BORA: variants seen among roughly 807,000 people sequenced by gnomAD.
The protein encoded by BORA is BORA aurora kinase A activator, also known as protein aurora borealis.
Under a neutral mutation model 55.8 loss-of-function variants are expected in BORA, and 26 were observed. That is an observed-to-expected ratio of 0.47 (90% confidence interval 0.34 to 0.65). BORA has a LOEUF of 0.65. Among genes scored for constraint, BORA ranks in the 30% least tolerant of loss-of-function variants. The pLI is 0.01. For synonymous variants in BORA, 201 were observed against 216.9 expected, an observed-to-expected ratio of 0.93 and a Z score of 0.64; for missense variants, 568 against 671.5, an observed-to-expected ratio of 0.85 and a Z score of 1.70.
intron 11 of BORA, 181 bp downstream of exon 11, chr13:72,754,002 C>T: frequency 3.4e-6 from 2 of 589,966 alleles, no homozygotes; most frequent in East Asian, 3.1e-5. Flanking sequence ...ACACAAGTAT[C>T]TTACATACTA....
intron 3 of BORA, among the ~76,000 whole-genome samples, chr13:72,732,882 T>C (rs780933158): frequency 6.6e-6 from 1 of 152,158 alleles, no homozygotes; most frequent in Non-Finnish European, 1.5e-5. Context: ...TATTGAGTAC[T>C]GTGAGGGACT....
intron 5 of BORA, among the ~76,000 whole-genome samples, chr13:72,741,669 C>T (rs2033036198): frequency 6.6e-6 from 1 of 151,898 alleles, no homozygotes; most frequent in Admixed American, 6.6e-5. Flanking sequence ...CTTGTCTAAG[C>T]CCTTCTAGGG....
At chr13:72,744,336 T>G (rs1209196126) in intron 6 of BORA, among the ~76,000 whole-genome samples, 169 bp from the exon 7 acceptor site, 1 of 152,220 alleles carries the variant, frequency 6.6e-6, no homozygotes, top group Non-Finnish European at 1.5e-5. Context: ...GGGAAACCAC[T>G]TCTAGAAAGG....
chr13:72,753,855 TTTAGA>T (rs753301421), intron 11 of BORA, 34 bp downstream of exon 11: 24 of 1,558,688 alleles, frequency 1.5e-5, no homozygotes, highest in Non-Finnish European at 1.9e-5. Flanking sequence ...CTTAATATTG[TTTAGA>T]TTAGAAATAT....
intron 4 of BORA, among the ~76,000 whole-genome samples, chr13:72,736,734 A>G (rs1454779245): frequency 6.6e-6 from 1 of 152,140 alleles, no homozygotes; most frequent in African/African-American, 2.4e-5. Flanking sequence ...GGTAGATTTT[A>G]CCATATTGCC....
chr13:72,728,157 GC>G, intron 1 of BORA, 150 bp downstream of exon 1: 1 of 1,104,422 alleles, frequency 9.1e-7, no homozygotes, highest in Non-Finnish European at 1.3e-6. Context: ...AGAAAGAGTG[GC>G]CACGTAGGGT....
chr13:72,739,804 A>C (rs2033000586), intron 5 of BORA, among the ~76,000 whole-genome samples: 1 of 152,198 alleles, frequency 6.6e-6, no homozygotes, highest in Non-Finnish European at 1.5e-5. Flanking sequence ...TACAAGTCCT[A>C]GGGGTACACA....
In BORA at chr13:72,728,270, C is replaced by G. The variant is rs1294962402; in HGVS notation, c.-16+263C>G. Reference sequence around the variant, plus strand: ...ACCCCACCCCGCCAAGGTGTAGCCTCTGTAGCCTCCTTTGATTGCAAGTAA... The same window carrying G: ...ACCCCACCCCGCCAAGGTGTAGCCTGTGTAGCCTCCTTTGATTGCAAGTAA... On this transcript the variant is annotated intron_variant, in intron 1 of 11. Coordinates refer to ENST00000390667, the MANE Select transcript of BORA (RefSeq NM_024808.5). The G allele has an allele frequency of 3.2e-5, 22 of 683,350 alleles. No homozygotes were observed. In the South Asian group the frequency reaches 3.4e-4, roughly 10 times the overall value. 42.3% of individuals were successfully genotyped at this position (683,350 alleles called of 1,614,324 possible).
chr13:72,754,826 C>CA (rs1216842365), intron 11 of BORA: 9 of 213,638 alleles, frequency 4.2e-5, no homozygotes, highest in Non-Finnish European at 7.5e-5. Flanking sequence ...AGCAGTCTTA[C>CA]CACCTCAGCC....
At chr13:72,751,522 T>A (rs1201648565) in intron 10 of BORA, among the ~76,000 whole-genome samples, 5 of 152,108 alleles carry the variant, frequency 3.3e-5, no homozygotes, top group Non-Finnish European at 7.4e-5. Flanking sequence ...ATGTACTCCC[T>A]CATGTGGAAG....
rs1200123878 is a variant in BORA at position 72,746,026 on chromosome 13, C to T, written c.821C>T (p.Ser274Leu). 1.2e-6 allele frequency: 2 copies of T among 1,612,554 alleles called. No homozygotes were observed. Among genetic ancestry groups the T allele is most frequent in the Non-Finnish European group, 1.7e-6 (2 of 1,178,690 alleles). ...GSITSPSPIS[S>L]PTFSPIEFQI... is the part of the protein sequence containing the mutation. Reference sequence around the variant, plus strand: ...ATAACTAGTCCTTCGCCTATTTCTTCACCCACTTTCTCACCAATTGAATTT... The same window carrying T: ...ATAACTAGTCCTTCGCCTATTTCTTTACCCACTTTCTCACCAATTGAATTT... Residue 274 changes from serine (S) to leucine (L), a missense_variant, in exon 9 of 12, where the codon TCA becomes TTA. Coordinates refer to ENST00000390667, the MANE Select transcript of BORA (RefSeq NM_024808.5).
intron 10 of BORA, 143 bp from the exon 11 acceptor site, chr13:72,753,547 C>T (rs1371865053): frequency 1.2e-6 from 1 of 815,138 alleles, no homozygotes; most frequent in Middle Eastern, 3.8e-4. Flanking sequence ...TTGTGCATTA[C>T]TTTTGAATTT....
At chr13:72,733,279 A>G (rs890699726) in intron 3 of BORA, among the ~76,000 whole-genome samples, 1 of 152,156 alleles carries the variant, frequency 6.6e-6, no homozygotes, top group African/African-American at 2.4e-5. Flanking sequence ...GAAAATTGTA[A>G]CTGAAAAGCA....
At chr13:72,735,933 C>G (rs2032917963) in intron 4 of BORA, among the ~76,000 whole-genome samples, 1 of 152,090 alleles carries the variant, frequency 6.6e-6, no homozygotes, top group African/African-American at 2.4e-5. Flanking sequence ...GGGTTACTTA[C>G]CTTGTTCTTT....
intron 4 of BORA, among the ~76,000 whole-genome samples, chr13:72,736,983 TAA>T (rs764598179): frequency 2.5e-4 from 33 of 133,376 alleles, no homozygotes; most frequent in Admixed American, 3.8e-4. Flanking sequence ...AGTCCACCTT[TAA>T]AAAAAAAAAA....
chr13:72,741,835 G>C (rs920608432), intron 5 of BORA, among the ~76,000 whole-genome samples: 1 of 152,158 alleles, frequency 6.6e-6, no homozygotes, highest in Non-Finnish European at 1.5e-5. Flanking sequence ...GGGGAGAAAA[G>C]GCAGGGAGGA....
intron 5 of BORA, among the ~76,000 whole-genome samples, chr13:72,742,556 C>G (rs1482767764): frequency 6.6e-6 from 1 of 151,652 alleles, no homozygotes; most frequent in African/African-American, 2.4e-5. Flanking sequence ...GAAGAGTAAT[C>G]ATCATTTCCT....
chr13:72,750,988 C>G (rs763592025), intron 10 of BORA, among the ~76,000 whole-genome samples: 92 of 152,158 alleles, frequency 6.0e-4, no homozygotes, highest in Non-Finnish European at 9.8e-4. Context: ...CTTGGGAAAC[C>G]GTAATGGCAG....
At chr13:72,730,847 T>TTTG (rs1190139322) in intron 2 of BORA, among the ~76,000 whole-genome samples, 5 of 151,106 alleles carry the variant, frequency 3.3e-5, no homozygotes, top group African/African-American at 1.2e-4. Flanking sequence ...AGTCAGGAGT[T>TTTG]TGAGACCAGC....
Sources: allele counts gnomAD v4.1 joint callset (sites outside exome capture counted in the v4.1 genomes callset), GRCh38; gene constraint gnomAD v4.1.1; transcripts MANE v1.5; gene names NCBI Gene and HGNC (gene_info 2026-07-23, HGNC 2026-07-21).